The following CHL1 variants were observed in gnomAD, a reference collection of about 807,000 sequenced individuals.
CHL1 encodes the protein neural cell adhesion molecule L1-like protein.
In CHL1, 96 loss-of-function variants were observed where a neutral mutation model predicts 141.9. The observed-to-expected ratio is 0.68, with a 90% CI of 0.57 to 0.80. CHL1 has a LOEUF of 0.80. Among genes scored for constraint, CHL1 ranks in the 30% least tolerant of loss-of-function variants. The pLI is 0.00. For synonymous variants in CHL1, 613 were observed against 502.2 expected (o/e 1.22, Z -2.95); for missense variants, 1,820 against 1,457.2 (o/e 1.25, Z -4.05).
At chr3:380,672 G>T (rs555091642) in intron 16 of CHL1, among the ~76,000 whole-genome samples, 54 of 152,148 alleles carry the variant, frequency 3.5e-4, no homozygotes, top group Admixed American at 1.4e-3. Context: ...AGAACTCCAG[G>T]TTAAGACGGT....
At chr3:210,251 A>G (rs1699794883) in intron 1 of CHL1, among the ~76,000 whole-genome samples, 1 of 152,264 alleles carries the variant, frequency 6.6e-6, no homozygotes, top group Admixed American at 6.5e-5. Context: ...TCACTGAATG[A>G]CAAACTAACT....
At chr3:378,355 C>G (rs1199517620) in intron 16 of CHL1, among the ~76,000 whole-genome samples, 3 of 152,092 alleles carry the variant, frequency 2.0e-5, no homozygotes, top group Non-Finnish European at 4.4e-5. Flanking sequence ...AAACCAAAGG[C>G]ACAGACTGAG....
At chr3:351,418 T>C (rs1427064558) in intron 10 of CHL1, among the ~76,000 whole-genome samples, 1 of 152,196 alleles carries the variant, frequency 6.6e-6, no homozygotes, top group South Asian at 2.1e-4. Flanking sequence ...CCTATACACA[T>C]GAAAAACAAA....
At chr3:287,176 G>C (rs1318692817) in intron 2 of CHL1, among the ~76,000 whole-genome samples, 1 of 151,772 alleles carries the variant, frequency 6.6e-6, no homozygotes, top group African/African-American at 2.4e-5. Flanking sequence ...TTTCACATAT[G>C]TATCAACATA....
Position 363,317 on chromosome 3 carries a change from T to C in CHL1, c.1519T>C (p.Ser507Pro), listed in dbSNP as rs1704473790. The change falls in exon 14 of 28, where the codon TCT (serine) becomes CCT (proline). Residue 507 changes from serine to proline, a missense_variant. Transcript: ENST00000256509. ...INRTTEEDAG[S>P]YSCWVENAIG... Reference sequence around the variant, plus strand: ...CAGAACCACCGAAGAAGATGCTGGGTCTTACTCATGTTGGGTAGAAAATGC... The same window carrying C: ...CAGAACCACCGAAGAAGATGCTGGGCCTTACTCATGTTGGGTAGAAAATGC... 7.4e-6 allele frequency: 12 copies of C among 1,613,532 alleles called. No individual in the cohort carries two copies. In the East Asian group the frequency reaches 2.5e-4, roughly 33 times the overall value.
chr3:406,998 T>A lies in CHL1; in HGVS notation c.*1287T>A, dbSNP rs1709570187. 1 of 152,104 alleles carries A rather than the reference T, an allele frequency of 6.6e-6. No individual in the cohort carries two copies. The highest frequency in any genetic ancestry group is 1.5e-5 in the Non-Finnish European group (1 of 68,008). The allele number at this position is 152,104 out of a possible 1,614,324, so 9.4% of individuals were successfully genotyped here. ...ATTTTAAACATCTTTGTGGTGAGAA[T>A]TTTTTCCCCGATATTCTCCTTCTGT... On this transcript the variant is annotated 3_prime_UTR_variant, in exon 28 of 28. Coordinates refer to ENST00000256509, the MANE Select transcript of CHL1 (RefSeq NM_006614.4).
At chr3:403,549 C>CA (rs1401005954) in intron 27 of CHL1, among the ~76,000 whole-genome samples, 1 of 151,332 alleles carries the variant, frequency 6.6e-6, no homozygotes, top group Non-Finnish European at 1.5e-5. Context: ...TCCATCTCAA[C>CA]AACAAAACAA....
chr3:200,860 G>A (rs1698858586), intron 1 of CHL1, among the ~76,000 whole-genome samples: 1 of 152,100 alleles, frequency 6.6e-6, no homozygotes. Context: ...ATCTTTATCT[G>A]AGGAAAGATT....
At chr3:344,860 A>G (rs912333446) in intron 9 of CHL1, 151 bp downstream of exon 9, 1 of 742,984 alleles carries the variant, frequency 1.3e-6, no homozygotes, top group Non-Finnish European at 2.0e-6. Context: ...TATTCTGCTC[A>G]GGACTGTTAT....
At chr3:378,608 G>A (rs1385556306) in intron 16 of CHL1, among the ~76,000 whole-genome samples, 1 of 152,168 alleles carries the variant, frequency 6.6e-6, no homozygotes, top group Non-Finnish European at 1.5e-5. Flanking sequence ...GACCTAGAAA[G>A]GTTGCTTTTA....
intron 2 of CHL1, among the ~76,000 whole-genome samples, chr3:277,691 G>A (rs1458765648): frequency 2.0e-5 from 3 of 152,086 alleles, no homozygotes. Context: ...AAATATTTTT[G>A]TGACTTTATT....
intron 23 of CHL1, among the ~76,000 whole-genome samples, chr3:393,748 G>T (rs1349198344): frequency 6.6e-6 from 1 of 151,956 alleles, no homozygotes; most frequent in Non-Finnish European, 1.5e-5. Context: ...TGACTTTGTG[G>T]TCATTCACAA....
intron 14 of CHL1, 145 bp from the exon 15 acceptor site, chr3:365,805 A>G (rs112824426): frequency 1.7e-6 from 1 of 588,212 alleles, no homozygotes; most frequent in Admixed American, 3.5e-5. Context: ...ATAATGACAT[A>G]CAATGTTAGG....
At chr3:257,344 T>TCTTCTTCTTCTTC (rs1317929500) in intron 2 of CHL1, among the ~76,000 whole-genome samples, 3 of 150,194 alleles carry the variant, frequency 2.0e-5, no homozygotes, top group African/African-American at 7.5e-5. Flanking sequence ...CTTTTCTTCT[T>TCTTCTTCTTCTTC]TTCTTCTTCT....
At chr3:391,637 A>G (rs1349750555) in intron 22 of CHL1, 38 bp from the exon 23 acceptor site, 1 of 1,499,686 alleles carries the variant, frequency 6.7e-7, no homozygotes, top group Non-Finnish European at 9.1e-7. Flanking sequence ...GAATTTTTCT[A>G]ATTGATGTGA....
intron 15 of CHL1, among the ~76,000 whole-genome samples, chr3:367,267 T>C (rs1705021340): frequency 6.6e-6 from 1 of 152,244 alleles, no homozygotes; most frequent in Non-Finnish European, 1.5e-5. Context: ...TCTCATTAAT[T>C]TTGTAATTTA....
At chr3:389,125 G>C (rs958992309) in intron 19 of CHL1, 127 bp from the exon 20 acceptor site, 2 of 751,504 alleles carry the variant, frequency 2.7e-6, no homozygotes, top group African/African-American at 3.5e-5. Context: ...CAAGAAGGGG[G>C]ATTTAAGATC....
chr3:312,077 G>A (rs536194503), intron 2 of CHL1, among the ~76,000 whole-genome samples: 1 of 152,220 alleles, frequency 6.6e-6, no homozygotes, highest in South Asian at 2.1e-4. Context: ...TAACCTGTAT[G>A]TATATATAGG....
intron 2 of CHL1, among the ~76,000 whole-genome samples, chr3:302,409 T>G (rs922020331): frequency 3.3e-5 from 5 of 152,222 alleles, no homozygotes; most frequent in African/African-American, 1.2e-4. Context: ...CAGCATCTGT[T>G]GTTTCCTGAC....
Sources: allele counts gnomAD v4.1 joint callset (sites outside exome capture counted in the v4.1 genomes callset), GRCh38; gene constraint gnomAD v4.1.1; transcripts MANE v1.5; gene names NCBI Gene and HGNC (gene_info 2026-07-23, HGNC 2026-07-21).